The following TJP1 variants were observed in gnomAD, a reference collection of about 807,000 sequenced individuals.
TJP1 encodes tight junction protein ZO-1.
A neutral mutation model predicts 194.2 loss-of-function variants in TJP1; 43 were observed. The observed-to-expected ratio is 0.22, with a 90% CI of 0.17 to 0.29. The LOEUF (loss-of-function observed/expected upper bound fraction) is 0.29, where lower values mean the gene tolerates loss of function less well. TJP1 is among the 10% of genes least tolerant of loss of function. The pLI is 1.00. For synonymous variants in TJP1, 801 were observed against 779.0 expected, an observed-to-expected ratio of 1.03 and a Z score of -0.47; for missense variants, 1,971 against 2,185.7, an observed-to-expected ratio of 0.90 and a Z score of 1.96.
At chr15:29,811,709 G>C (rs2049525346) in intron 1 of TJP1, among the ~76,000 whole-genome samples, 1 of 151,560 alleles carries the variant, frequency 6.6e-6, no homozygotes, top group African/African-American at 2.4e-5. Context: ...ACCTTCCTCT[G>C]AAACCATAAA....
At chr15:29,736,553 G>C (rs144594124) in intron 11 of TJP1, among the ~76,000 whole-genome samples, 2 of 152,202 alleles carry the variant, frequency 1.3e-5, no homozygotes, top group Non-Finnish European at 2.9e-5. Context: ...GTTTAATCTA[G>C]CAAATCAAAT....
intron 11 of TJP1, among the ~76,000 whole-genome samples, chr15:29,735,907 A>C (rs926514011): frequency 2.6e-5 from 4 of 152,188 alleles, no homozygotes; most frequent in Non-Finnish European, 5.9e-5. Flanking sequence ...GGAAATTGCT[A>C]AGTGAAAAGA....
At chr15:29,956,862 T>G (rs1052274648) in intron 1 of TJP1, among the ~76,000 whole-genome samples, 3 of 151,614 alleles carry the variant, frequency 2.0e-5, no homozygotes, top group Non-Finnish European at 2.9e-5. Context: ...GCCTGAGAGA[T>G]AAGAGTAAGA....
intron 2 of TJP1, among the ~76,000 whole-genome samples, chr15:29,925,919 C>A (rs1334653059): frequency 6.6e-6 from 1 of 152,244 alleles, no homozygotes; most frequent in African/African-American, 2.4e-5. Context: ...ATCTCTTAAT[C>A]TTTCCCTCCA....
intron 2 of TJP1, among the ~76,000 whole-genome samples, chr15:29,876,362 A>T (rs2052699328): frequency 6.6e-6 from 1 of 152,248 alleles, no homozygotes; most frequent in African/African-American, 2.4e-5. Flanking sequence ...TCTACTAAAA[A>T]TACAAAAAAT....
At position 29,968,300 on chromosome 15, in the gene TJP1, G is replaced by T. The variant is rs1244795467; in HGVS notation, c.173+367C>A. The stretch of plus-strand genomic sequence containing the variant: ...GAATTCTTCTGCTGTCTCCGCGAGA[G>T]CCTGGCTGGAAATTCTGAGCCAGAA... On this transcript the variant is annotated intron_variant, in intron 1 of 28. Coordinates refer to the TJP1 transcript ENST00000356107. The T allele has an allele frequency of 7.1e-6, 7 of 985,092 alleles. No individual in the cohort carries two copies. The East Asian group carries it at 6.8e-4, about 96-fold the overall frequency. 61.0% of individuals were successfully genotyped at this position (985,092 alleles called of 1,614,324 possible).
intron 2 of TJP1, among the ~76,000 whole-genome samples, chr15:29,894,262 C>T (rs528140668): frequency 6.6e-6 from 1 of 152,238 alleles, no homozygotes; most frequent in African/African-American, 2.4e-5. Flanking sequence ...AATTTGAGAC[C>T]AGCCTGGCCA....
intron 4 of TJP1, among the ~76,000 whole-genome samples, chr15:29,769,355 CT>C (rs1191494833): frequency 6.6e-6 from 1 of 152,142 alleles, no homozygotes; most frequent in African/African-American, 2.4e-5. Context: ...TCTCAATAGC[CT>C]ATTGATTTTC....
At chr15:29,968,756 C>A in exon 1 of TJP1, 1 of 1,230,310 alleles carries the variant, frequency 8.1e-7, no homozygotes, top group Non-Finnish European at 1.0e-6. Flanking sequence ...ATTTCTGGTA[C>A]TTCATCTTGT....
intron 2 of TJP1, among the ~76,000 whole-genome samples, chr15:29,831,225 G>A (rs2050828882): frequency 6.6e-6 from 1 of 152,170 alleles, no homozygotes; most frequent in Non-Finnish European, 1.5e-5. Flanking sequence ...CTGAGGGAAA[G>A]TTTTTCTTAA....
At chr15:29,835,678 G>A (rs2051002524) in intron 2 of TJP1, among the ~76,000 whole-genome samples, 1 of 151,792 alleles carries the variant, frequency 6.6e-6, no homozygotes, top group South Asian at 2.1e-4. Flanking sequence ...CACAAAACAT[G>A]ATACTCTAAC....
chr15:29,843,155 TTTTC>T (rs1490446438), intron 2 of TJP1, among the ~76,000 whole-genome samples: 6 of 151,954 alleles, frequency 3.9e-5, no homozygotes, highest in African/African-American at 9.7e-5. Flanking sequence ...TATCTTTGAC[TTTTC>T]TTTCTGTTTT....
intron 1 of TJP1, among the ~76,000 whole-genome samples, chr15:29,819,710 A>C (rs1332033502): frequency 6.6e-6 from 1 of 152,198 alleles, no homozygotes; most frequent in Non-Finnish European, 1.5e-5. Flanking sequence ...AAAATTAGTA[A>C]ATTCTACAAC....
chr15:29,887,098 T>G (rs530071721), intron 2 of TJP1, among the ~76,000 whole-genome samples: 1 of 151,170 alleles, frequency 6.6e-6, no homozygotes, highest in East Asian at 1.9e-4. Flanking sequence ...ATGCCACAAA[T>G]CCATCAAATA....
intron 8 of TJP1, among the ~76,000 whole-genome samples, chr15:29,752,116 C>T (rs8038937): frequency 0.85 from 123,686 of 144,776 alleles, 51,786 homozygotes; most frequent in South Asian, 0.95. Flanking sequence ...TTTTTTTTTT[C>T]CCCCCAGACG....
chr15:29,968,570 C>A (rs1270107038), intron 1 of TJP1: 2 of 843,936 alleles, frequency 2.4e-6, no homozygotes, highest in Non-Finnish European at 2.8e-6. Context: ...TCGCCCCCCG[C>A]CCGACCGCCC....
At chr15:29,713,300 CTG>C (rs1416272619) in intron 23 of TJP1, among the ~76,000 whole-genome samples, 1 of 152,186 alleles carries the variant, frequency 6.6e-6, no homozygotes, top group Non-Finnish European at 1.5e-5. Flanking sequence ...TCTTCTTGCA[CTG>C]TTTTAGAATC....
intron 4 of TJP1, among the ~76,000 whole-genome samples, chr15:29,770,948 C>T (rs1049776731): frequency 1.3e-5 from 2 of 152,066 alleles, no homozygotes; most frequent in African/African-American, 4.8e-5. Flanking sequence ...CAGTAGTGTA[C>T]AGTAATGTCC....
Position 29,742,662 on chromosome 15 carries a change from T to C in TJP1, c.1130A>G (p.Lys377Arg). 6.3e-7 allele frequency: 1 copy of C among 1,584,234 alleles called. No individual in the cohort carries two copies. Among genetic ancestry groups the C allele is most frequent in the Admixed American group, 1.8e-5 (1 of 54,830 alleles). ...VEEVTVERNE[K>R]QTPSLPEPKP... Reference sequence around the variant, plus strand: ...CTTACCTGGAAGAGAAGGTGTTTGTTTCTCATTTCTTTCAACTGTAACTTC... The same window carrying C: ...CTTACCTGGAAGAGAAGGTGTTTGTCTCTCATTTCTTTCAACTGTAACTTC... The change falls in exon 9 of 28, where the codon AAA becomes AGA. Residue 377 changes from lysine to arginine, a missense_variant. By Grantham distance (26) the Lys-to-Arg change is conservative. This residue lies in a region of TJP1 where 192 missense variants were observed against 182.3 expected (regional missense o/e 1.05). Coordinates refer to ENST00000614355, the MANE Select transcript of TJP1 (RefSeq NM_001330239.4).
Sources: allele counts gnomAD v4.1 joint callset (sites outside exome capture counted in the v4.1 genomes callset), GRCh38; gene constraint gnomAD v4.1.1; regional missense constraint gnomAD v4.1.1; transcripts MANE v1.5; gene names NCBI Gene and HGNC (gene_info 2026-07-23, HGNC 2026-07-21).